Variants in BRD7 observed in about 807,000 individuals in gnomAD.
The protein encoded by BRD7 is bromodomain-containing protein 7.
Under a neutral mutation model 82.1 loss-of-function variants are expected in BRD7, and 15 were observed. That is an observed-to-expected ratio of 0.18 (90% CI 0.12 to 0.28). BRD7 has a LOEUF of 0.28. Among genes scored for constraint, BRD7 ranks in the 10% least tolerant of loss-of-function variants. The probability of loss-of-function intolerance (pLI) is 1.00; values close to 1 mark genes in which losing one functional copy is unlikely to be tolerated. For synonymous variants in BRD7, 232 were observed against 266.9 expected (o/e 0.87, Z 1.27); for missense variants, 638 against 779.9 (o/e 0.82, Z 2.17).
intron 5 of BRD7, among the ~76,000 whole-genome samples, chr16:50,345,234 C>T (rs1025492770): frequency 6.6e-6 from 1 of 152,208 alleles, no homozygotes; most frequent in Non-Finnish European, 1.5e-5. Context: ...ATTTTGTCAT[C>T]ACCAGGCCTG....
intron 6 of BRD7, among the ~76,000 whole-genome samples, chr16:50,338,067 T>C (rs2037890614): frequency 2.0e-5 from 3 of 152,032 alleles, no homozygotes; most frequent in Non-Finnish European, 4.4e-5. Context: ...AAAATTAGGC[T>C]CCCACCACCC....
intron 4 of BRD7, among the ~76,000 whole-genome samples, chr16:50,350,428 T>C (rs903763966): frequency 1.3e-5 from 2 of 152,306 alleles, no homozygotes; most frequent in Middle Eastern, 3.4e-3. Flanking sequence ...GCTACACTTA[T>C]ACAGGAAAAC....
At chr16:50,323,789 G>A (rs1340341513) in intron 11 of BRD7, 91 bp from the exon 12 acceptor site, 7 of 849,144 alleles carry the variant, frequency 8.2e-6, no homozygotes, top group East Asian at 7.4e-5. Flanking sequence ...AGATGTCCTC[G>A]GTTATACATC....
chr16:50,360,308 A>G (rs1021836330), intron 2 of BRD7, among the ~76,000 whole-genome samples: 2 of 152,258 alleles, frequency 1.3e-5, no homozygotes, highest in Non-Finnish European at 2.9e-5. Context: ...GTCCTTAGTA[A>G]TAAGTACTGT....
chr16:50,322,296 G>C (rs891596561), intron 12 of BRD7, among the ~76,000 whole-genome samples: 1 of 152,114 alleles, frequency 6.6e-6, no homozygotes, highest in Non-Finnish European at 1.5e-5. Flanking sequence ...AAGGTATTTG[G>C]TAAATAACTT....
intron 8 of BRD7, among the ~76,000 whole-genome samples, chr16:50,330,314 C>T (rs903141221): frequency 6.7e-6 from 1 of 148,530 alleles, no homozygotes; most frequent in African/African-American, 2.5e-5. Context: ...AATAAGGAAA[C>T]AAGTTAAGTT....
At chr16:50,340,386 T>C (rs939142053) in intron 5 of BRD7, among the ~76,000 whole-genome samples, 2 of 152,194 alleles carry the variant, frequency 1.3e-5, no homozygotes, top group Non-Finnish European at 2.9e-5. Flanking sequence ...ATAATCTTAC[T>C]GCACATAAAA....
At chr16:50,338,615 A>G (rs1055111427) in intron 6 of BRD7, among the ~76,000 whole-genome samples, 5 of 151,940 alleles carry the variant, frequency 3.3e-5, no homozygotes, top group Non-Finnish European at 7.4e-5. Context: ...TCTTATACCC[A>G]CTCATTTCTT....
chr16:50,329,073 G>A (rs1325140076), intron 8 of BRD7, among the ~76,000 whole-genome samples: 1 of 152,078 alleles, frequency 6.6e-6, no homozygotes, highest in Non-Finnish European at 1.5e-5. Context: ...TTCAGATTTC[G>A]AATTTCTGGA....
chr16:50,348,565 G>GA (rs1438743542), intron 5 of BRD7, among the ~76,000 whole-genome samples: 6 of 152,064 alleles, frequency 3.9e-5, no homozygotes, highest in African/African-American at 1.4e-4. Flanking sequence ...AAATCTACAA[G>GA]AAAAAATCAA....
chr16:50,345,430 A>T (rs947528966), intron 5 of BRD7, among the ~76,000 whole-genome samples: 1 of 152,088 alleles, frequency 6.6e-6, no homozygotes, highest in African/African-American at 2.4e-5. Flanking sequence ...ATTAACCTTA[A>T]ATGTAAATGG....
intron 2 of BRD7, among the ~76,000 whole-genome samples, chr16:50,364,846 G>T (rs926214132): frequency 6.6e-6 from 1 of 152,110 alleles, no homozygotes; most frequent in South Asian, 2.1e-4. Flanking sequence ...AACAAGAAAC[G>T]AAGAATATTA....
At position 50,320,441 on chromosome 16, in the gene BRD7, C is replaced by A. The variant is rs754333740; in HGVS notation, c.1613-50G>T. 9 of 1,592,722 alleles carry A rather than the reference C, an allele frequency of 5.7e-6. No homozygotes were observed. The South Asian group carries it at 1.0e-4, about 18-fold the overall frequency. ...CTTCTGTTTGATCTTGTGCAGTAAACCGAATCCTAGGCTCTAGGGCTTTGC... is the reference window on the plus strand; with the variant it reads ...CTTCTGTTTGATCTTGTGCAGTAAAACGAATCCTAGGCTCTAGGGCTTTGC... On this transcript the variant is annotated intron_variant, in intron 14 of 16. Coordinates refer to ENST00000394688, the MANE Select transcript of BRD7 (RefSeq NM_013263.5).
At chr16:50,365,056 C>T (rs745787558) in intron 2 of BRD7, among the ~76,000 whole-genome samples, 12 of 152,272 alleles carry the variant, frequency 7.9e-5, no homozygotes, top group East Asian at 7.7e-4. Context: ...AAGATACTCC[C>T]GTATGCAGAG....
chr16:50,354,579 C>G (rs1446312261), intron 3 of BRD7, 97 bp from the exon 4 acceptor site: 2 of 1,215,838 alleles, frequency 1.6e-6, no homozygotes, highest in Non-Finnish European at 2.3e-6. Flanking sequence ...TTAAATATCT[C>G]ATACAGAAAT....
At chr16:50,356,741 C>T (rs111985937) in intron 2 of BRD7, among the ~76,000 whole-genome samples, 21,075 of 145,262 alleles carry the variant, frequency 0.15, 1,837 homozygotes, top group Non-Finnish European at 0.2. Flanking sequence ...TATATATATA[C>T]ACACACACAC....
At chr16:50,356,214 A>G (rs2038725460) in intron 2 of BRD7, among the ~76,000 whole-genome samples, 3 of 152,314 alleles carry the variant, frequency 2.0e-5, no homozygotes, top group Middle Eastern at 6.8e-3. Flanking sequence ...AATAGGAACA[A>G]TCCTTAGCAG....
At chr16:50,345,159 A>G (rs2038229489) in intron 5 of BRD7, among the ~76,000 whole-genome samples, 2 of 152,234 alleles carry the variant, frequency 1.3e-5, no homozygotes, top group South Asian at 4.1e-4. Context: ...TTTCATATCC[A>G]GCCAAACTAA....
intron 2 of BRD7, among the ~76,000 whole-genome samples, chr16:50,356,760 A>G (rs2038752615): frequency 6.6e-6 from 1 of 151,968 alleles, no homozygotes; most frequent in Admixed American, 6.6e-5. Context: ...ACACACATAT[A>G]TATATGGCTA....
Sources: gnomAD v4.1 joint callset for allele counts (sites outside exome capture counted in the v4.1 genomes callset) on GRCh38, gnomAD v4.1.1 for gene constraint, MANE v1.5 for transcripts, NCBI Gene and HGNC (gene_info 2026-07-23, HGNC 2026-07-21) for gene names.